Variants in ATP7A observed in about 807,000 individuals in gnomAD.
The protein encoded by ATP7A is ATPase copper transporting alpha.
A neutral mutation model predicts 83.5 loss-of-function variants in ATP7A; 7 were observed. The ratio of observed to expected loss-of-function variants is 0.08; its 90% CI spans 0.05 to 0.16. ATP7A has a LOEUF of 0.16. ATP7A is among the 10% of genes least tolerant of loss of function. ATP7A has a pLI of 1.00. For missense variants in ATP7A, 940 were observed against 1,120.8 expected (o/e 0.84, Z 2.30); for synonymous variants, 354 against 395.2 (o/e 0.90, Z 1.24).
At chrX:78,013,371 A>G (rs781793433) in intron 10 of ATP7A, among the ~76,000 whole-genome samples, 103 of 112,065 alleles carry the variant, frequency 9.2e-4, no homozygotes, top group Non-Finnish European at 1.7e-3. Flanking sequence ...ATTTACTTAC[A>G]TTATTAATTG....
At chrX:78,011,367 A>T in intron 8 of ATP7A, 82 bp from the exon 9 acceptor site, 6 of 1,053,577 alleles carry the variant, frequency 5.7e-6, no homozygotes, top group Non-Finnish European at 8.0e-6. Context: ...GTCACAATGT[A>T]TATCTCTCTG....
chrX:78,020,184 G>T (rs2077895307), intron 12 of ATP7A, 60 bp from the exon 13 acceptor site: 1 of 1,113,817 alleles, frequency 9.0e-7, no homozygotes, highest in Admixed American at 2.2e-5. Context: ...AACAAATAAT[G>T]ATATGTTTCA....
intron 5 of ATP7A, among the ~76,000 whole-genome samples, 166 bp from the exon 6 acceptor site, chrX:78,002,907 A>C (rs2149090107): frequency 9.1e-6 from 1 of 110,440 alleles, no homozygotes; most frequent in Non-Finnish European, 1.9e-5. Flanking sequence ...GAATAGTTCT[A>C]ATTGTTTGGG....
intron 1 of ATP7A, among the ~76,000 whole-genome samples, chrX:77,929,651 T>G (rs1364295036): frequency 9.2e-6 from 1 of 108,297 alleles, no homozygotes; most frequent in Non-Finnish European, 1.9e-5. Context: ...TTTTTTTTTT[T>G]GAGACAGGGT....
chrX:77,953,342 G>A (rs1557227001), intron 1 of ATP7A, among the ~76,000 whole-genome samples: 1 of 111,046 alleles, frequency 9.0e-6, no homozygotes, highest in African/African-American at 3.3e-5. Flanking sequence ...TGTTACATGG[G>A]TATTACATGT....
intron 1 of ATP7A, among the ~76,000 whole-genome samples, chrX:77,915,954 C>T (rs1184719578): frequency 8.9e-6 from 1 of 112,154 alleles, no homozygotes; most frequent in Non-Finnish European, 1.9e-5. Context: ...CTCCTGGCCT[C>T]AGGTGATCTG....
chrX:77,952,028 T>G (rs1195226404), intron 1 of ATP7A, among the ~76,000 whole-genome samples: 1 of 112,142 alleles, frequency 8.9e-6, no homozygotes. Context: ...TATGAATAGC[T>G]CATCTTTAAT....
chrX:77,984,393 T>C, intron 2 of ATP7A, among the ~76,000 whole-genome samples: 1 of 109,269 alleles, frequency 9.2e-6, no homozygotes, highest in Middle Eastern at 4.7e-3. Flanking sequence ...AGTGGTGCAA[T>C]GTCGGCTCAC....
intron 17 of ATP7A, among the ~76,000 whole-genome samples, chrX:78,038,317 G>A (rs1294511527): frequency 1.8e-5 from 2 of 109,818 alleles, no homozygotes; most frequent in African/African-American, 6.6e-5. Flanking sequence ...GGCAGGAGAA[G>A]TTGGAGATTT....
Position 77,989,576 on chromosome X carries a change from T to A in ATP7A, c.954T>A (p.Ile318=), listed in dbSNP as rs782406672. Residue 318 remains isoleucine (I), a synonymous_variant, in exon 4 of 23, where the codon ATT becomes ATA. Transcript: ENST00000341514. ...TTTCTTTAGAGAATAGGTCTGCCAT[T>A]GTGAAGTATAATGCAAGCTCAGTCA... The part of the protein sequence containing the change: ...IVVSLENRSA[I]VKYNASSVTP... 4 of 1,210,006 alleles carry A rather than the reference T, an allele frequency of 3.3e-6. No individual in the cohort carries two copies. The African/African-American group carries it at 7.0e-5, about 21-fold the overall frequency.
At chrX:78,042,376 C>A (rs943983921) in intron 19 of ATP7A, among the ~76,000 whole-genome samples, 1 of 110,933 alleles carries the variant, frequency 9.0e-6, no homozygotes, top group African/African-American at 3.3e-5. Context: ...TAGATGCTGC[C>A]AGATGCCCTC....
chrX:78,009,197 C>T lies in ATP7A; in HGVS notation c.1803C>T (p.Thr601=). 1 of 1,209,691 alleles carries T rather than the reference C, an allele frequency of 8.3e-7. No individual in the cohort carries two copies. The highest frequency in any genetic ancestry group is 1.8e-5 in the South Asian group (1 of 56,889). The part of the protein sequence containing the change: ...GILYCSVALA[T]NKAHIKYDPE... ...TATACTGCTCCGTGGCCCTGGCAAC[C>T]AACAAAGCACATATTAAATATGACC... The change falls in exon 7 of 23, where the codon ACC becomes ACT. Residue 601 remains threonine (T), a synonymous_variant. Transcript: ENST00000341514.
At chrX:78,005,612 G>A (rs2077768329) in intron 6 of ATP7A, among the ~76,000 whole-genome samples, 1 of 103,693 alleles carries the variant, frequency 9.6e-6, no homozygotes, top group African/African-American at 3.5e-5. Context: ...GAACCCGGGA[G>A]GTGGAGGTTG....
chrX:77,932,740 G>GA (rs781869156), intron 1 of ATP7A, among the ~76,000 whole-genome samples: 74 of 112,354 alleles, frequency 6.6e-4, no homozygotes, highest in African/African-American at 2.4e-3. Context: ...CCGTCTCCAC[G>GA]AAAAAAGTAT....
At chrX:78,012,178 T>G (rs2077831545) in intron 9 of ATP7A, among the ~76,000 whole-genome samples, 1 of 111,537 alleles carries the variant, frequency 9.0e-6, no homozygotes, top group African/African-American at 3.2e-5. Flanking sequence ...TTTAAACTCT[T>G]TTTTCGAGAT....
intron 17 of ATP7A, among the ~76,000 whole-genome samples, chrX:78,037,526 A>G (rs1337500226): frequency 1.8e-5 from 2 of 111,173 alleles, no homozygotes; most frequent in Non-Finnish European, 3.8e-5. Flanking sequence ...CCAAGGAGTG[A>G]GAGTAGATAA....
chrX:78,044,512 G>T (rs2078071920), intron 21 of ATP7A, among the ~76,000 whole-genome samples: 1 of 111,094 alleles, frequency 9.0e-6, no homozygotes, highest in Non-Finnish European at 1.9e-5. Flanking sequence ...GATTTTTAAA[G>T]AATTATACAA....
chrX:77,940,910 A>G (rs1247843478), intron 1 of ATP7A, among the ~76,000 whole-genome samples: 3 of 112,297 alleles, frequency 2.7e-5, no homozygotes. Flanking sequence ...GTGGCTAGAC[A>G]CTTTCCTATA....
intron 1 of ATP7A, among the ~76,000 whole-genome samples, chrX:77,932,322 AC>A (rs1335112937): frequency 1.0e-5 from 1 of 99,866 alleles, no homozygotes; most frequent in African/African-American, 3.9e-5. Flanking sequence ...CCGGGCAGAG[AC>A]GCTCCTCACT....
Sources: allele counts gnomAD v4.1 joint callset (sites outside exome capture counted in the v4.1 genomes callset), GRCh38; gene constraint gnomAD v4.1.1; transcripts MANE v1.5; gene names NCBI Gene and HGNC (gene_info 2026-07-23, HGNC 2026-07-21).